The following CACNG4 variants were observed in gnomAD, a reference collection of about 807,000 sequenced individuals.
CACNG4 encodes the protein calcium voltage-gated channel auxiliary subunit gamma 4, also known as voltage-dependent calcium channel gamma-4 subunit.
In CACNG4, 8 loss-of-function variants were observed where a neutral mutation model predicts 22.9. That is an observed-to-expected ratio of 0.35 (90% confidence interval 0.21 to 0.63). The LOEUF is 0.63. CACNG4 is among the 30% of genes least tolerant of loss of function. The probability of loss-of-function intolerance (pLI) is 0.72; values close to 1 mark genes in which losing one functional copy is unlikely to be tolerated. For synonymous variants in CACNG4, 188 were observed against 191.9 expected, an observed-to-expected ratio of 0.98 and a Z score of 0.17; for missense variants, 357 against 455.4, an observed-to-expected ratio of 0.78 and a Z score of 1.97.
chr17:66,964,925 A>G lies in CACNG4; in HGVS notation c.14A>G (p.Asp5Gly). MVRC[D>G]RGLQMLLTTA... Reference sequence around the variant, plus strand: ...GAGGCGCCCACCATGGTGCGATGCGACCGCGGGCTGCAGATGCTGCTGACC... The same window carrying G: ...GAGGCGCCCACCATGGTGCGATGCGGCCGCGGGCTGCAGATGCTGCTGACC... Residue 5 changes from aspartate to glycine, a missense_variant, in exon 1 of 4, where the codon GAC becomes GGC. By Grantham distance (94) the Asp-to-Gly change is moderately conservative (BLOSUM62 -1). This residue lies in a region of CACNG4 where 114 missense variants were observed against 161.6 expected (regional missense o/e 0.71). Coordinates refer to ENST00000262138, the MANE Select transcript of CACNG4 (RefSeq NM_014405.4). 2 of 1,541,998 alleles carry G rather than the reference A, an allele frequency of 1.3e-6. No homozygotes were observed. Among genetic ancestry groups the G allele is most frequent in the Non-Finnish European group, 1.7e-6 (2 of 1,146,272 alleles).
intron 1 of CACNG4, among the ~76,000 whole-genome samples, chr17:66,975,334 G>A (rs1469415465): frequency 6.6e-6 from 1 of 152,142 alleles, no homozygotes; most frequent in Non-Finnish European, 1.5e-5. Context: ...GAGTCCACAT[G>A]GAAGCAGCAG....
At chr17:66,979,830 A>G (rs1233665203) in intron 1 of CACNG4, among the ~76,000 whole-genome samples, 2 of 147,134 alleles carry the variant, frequency 1.4e-5, no homozygotes, top group Non-Finnish European at 3.0e-5. Context: ...GCTCACTGCA[A>G]CCTCTACCTC....
intron 1 of CACNG4, among the ~76,000 whole-genome samples, chr17:66,976,436 T>C (rs1261874365): frequency 6.9e-6 from 1 of 144,760 alleles, no homozygotes; most frequent in East Asian, 2.2e-4. Flanking sequence ...TCCCTCTCTC[T>C]AACTTCCACC....
rs749249579 is a variant in CACNG4 at position 67,027,009 on chromosome 17, C to T, written c.445+2009C>T. On this transcript the variant is annotated intron_variant, in intron 3 of 3. Transcript: ENST00000262138. The surrounding 1 kb of genome is among the most constrained non-coding windows in gnomAD (Gnocchi z 4.3). ...CCGGCTGTGACCCCTCAACACTGCCCCAGAGCGTCCTCCCCACGGCAGGGA... is the reference window on the plus strand; with the variant it reads ...CCGGCTGTGACCCCTCAACACTGCCTCAGAGCGTCCTCCCCACGGCAGGGA... Among the ~76,000 whole-genome samples, 14 of 152,218 alleles carry T rather than the reference C, an allele frequency of 9.2e-5. No homozygotes were observed. Among genetic ancestry groups the T allele is most frequent in the South Asian group, 8.3e-4 (4 of 4,822 alleles).
At chr17:67,018,395 G>C (rs1231728630) in intron 2 of CACNG4, 123 bp downstream of exon 2, 2 of 701,464 alleles carry the variant, frequency 2.9e-6, no homozygotes, top group Admixed American at 2.2e-5. Flanking sequence ...TCCACTCACT[G>C]TCTTACTTAT....
chr17:66,997,286 C>G (rs1473173463), intron 1 of CACNG4, among the ~76,000 whole-genome samples: 1 of 152,038 alleles, frequency 6.6e-6, no homozygotes, highest in Non-Finnish European at 1.5e-5. Flanking sequence ...ATTCCAAGGT[C>G]GGCTGATGGA....
At position 67,024,985 on chromosome 17, in the gene CACNG4, C is replaced by G; in HGVS notation, c.430C>G (p.Leu144Val). 6.3e-7 allele frequency: 1 copy of G among 1,595,820 alleles called. No homozygotes were observed. The highest frequency in any genetic ancestry group is 1.1e-5 in the South Asian group (1 of 88,290). The change falls in exon 3 of 4, where the codon CTC (leucine) becomes GTC (valine). Residue 144 changes from leucine to valine, a missense_variant. Leu to Val is a conservative substitution (Grantham distance 32). Transcript: ENST00000262138. ...CAACATCGTCCTCAGTGCCGGCATC[C>G]TCTTCGTGGCTGCAGGTGAGCCGCC... ...KNNIVLSAGI[L>V]FVAAGLSNII...
intron 1 of CACNG4, among the ~76,000 whole-genome samples, chr17:66,972,110 G>A (rs1382312270): frequency 1.3e-5 from 2 of 152,138 alleles, no homozygotes; most frequent in African/African-American, 2.4e-5. Context: ...CACAGCAGCC[G>A]GCCAGGCGAC....
chr17:66,971,596 G>C (rs779961914), intron 1 of CACNG4, among the ~76,000 whole-genome samples: 8 of 152,298 alleles, frequency 5.3e-5, no homozygotes, highest in African/African-American at 1.9e-4. Context: ...AGCAGGGGGC[G>C]TGTGGGGAGC....
At position 67,030,388 on chromosome 17, in the gene CACNG4, C is replaced by A; in HGVS notation, c.446-78C>A. The A allele has an allele frequency of 7.9e-7, 1 of 1,266,344 alleles. No individual in the cohort carries two copies. The highest frequency in any genetic ancestry group is 1.1e-6 in the Non-Finnish European group (1 of 886,622). 78.4% of individuals were successfully genotyped at this position (1,266,344 alleles called of 1,614,324 possible). The stretch of plus-strand genomic sequence containing the variant: ...GGGGAGTGTCCACCTGTTCCCTACA[C>A]TGCCCGTCCCACTGTGGGTCTAACC... On this transcript the variant is annotated intron_variant, in intron 3 of 3. Coordinates refer to ENST00000262138, the MANE Select transcript of CACNG4 (RefSeq NM_014405.4). This position sits in a 1 kb window ranked among gnomAD's most constrained non-coding sequence, Gnocchi z 6.4.
intron 1 of CACNG4, among the ~76,000 whole-genome samples, chr17:66,997,152 C>A (rs1372674083): frequency 2.6e-5 from 4 of 152,088 alleles, no homozygotes; most frequent in African/African-American, 9.7e-5. Flanking sequence ...ATTGTCCTGG[C>A]AGGTGGTTTT....
Position 66,964,927 on chromosome 17 carries a change from C to T in CACNG4, c.16C>T (p.Arg6Cys). 6.3e-7 allele frequency: 1 copy of T among 1,577,898 alleles called. No homozygotes were observed. Among genetic ancestry groups the T allele is most frequent in the Non-Finnish European group, 8.6e-7 (1 of 1,166,668 alleles). The part of the protein sequence containing the change: MVRCD[R>C]GLQMLLTTAG... ...GGCGCCCACCATGGTGCGATGCGAC[C>T]GCGGGCTGCAGATGCTGCTGACCAC... The change falls in exon 1 of 4, where the codon CGC (arginine) becomes TGC (cysteine). Residue 6 changes from arginine (R) to cysteine (C), a missense_variant. Transcript: ENST00000262138.
chr17:67,031,231 G>T lies in CACNG4; in HGVS notation c.*227G>T, dbSNP rs2035604104. ...CTGACTTTGTCCCCTCCCCGAAAAA[G>T]GGTGTTTTGATGCCTCAGGGTCTCT... On this transcript the variant is annotated 3_prime_UTR_variant, in exon 4 of 4. Transcript: ENST00000262138. This position sits in a 1 kb window ranked among gnomAD's most constrained non-coding sequence, Gnocchi z 4.0. 1.8e-5 allele frequency: 12 copies of T among 649,498 alleles called. No homozygotes were observed. Among genetic ancestry groups the T allele is most frequent in the Non-Finnish European group, 3.3e-5 (12 of 361,212 alleles). The allele number at this position is 649,498 out of a possible 1,614,324, so 40.2% of individuals were successfully genotyped here.
chr17:66,972,491 T>A (rs2035210682), intron 1 of CACNG4, among the ~76,000 whole-genome samples: 1 of 152,218 alleles, frequency 6.6e-6, no homozygotes, highest in Non-Finnish European at 1.5e-5. Flanking sequence ...ACTTTGCATA[T>A]GTCCCTGGAG....
At position 67,030,152 on chromosome 17, in the gene CACNG4, G is replaced by GGTGT. The variant is rs34332552; in HGVS notation, c.446-296_446-293dup. Among the ~76,000 whole-genome samples the GGTGT allele has an allele frequency of 1.4e-4, 12 of 88,606 alleles. No individual in the cohort carries two copies. The highest frequency in any genetic ancestry group is 1.6e-4 in the African/African-American group (6 of 36,674). 58.1% of individuals were successfully genotyped at this position (88,606 alleles called of 152,430 possible). Reference sequence around the variant, plus strand: ...AGTACTGTGCAAAGGAAATAATAGGGGTGTGTGTGTGTGTGTGTGTGAAGA... The same window carrying GGTGT: ...AGTACTGTGCAAAGGAAATAATAGGGGTGTGTGTGTGTGTGTGTGTGTGTGAAGA... On this transcript the variant is annotated intron_variant, in intron 3 of 3. Coordinates refer to ENST00000262138, the MANE Select transcript of CACNG4 (RefSeq NM_014405.4). This position sits in a 1 kb window ranked among gnomAD's most constrained non-coding sequence, Gnocchi z 6.4.
At chr17:66,969,583 C>T (rs1026359873) in intron 1 of CACNG4, among the ~76,000 whole-genome samples, 5 of 152,174 alleles carry the variant, frequency 3.3e-5, no homozygotes, top group African/African-American at 9.7e-5. Context: ...TGTACCCAAC[C>T]TTTCTTCCCA....
intron 1 of CACNG4, among the ~76,000 whole-genome samples, chr17:67,002,884 A>G (rs1008602327): frequency 2.0e-5 from 3 of 152,212 alleles, no homozygotes; most frequent in Non-Finnish European, 4.4e-5. Flanking sequence ...CAGGGAATAT[A>G]GTTTTCAACC....
chr17:66,999,386 A>C (rs1270777238), intron 1 of CACNG4, among the ~76,000 whole-genome samples: 1 of 152,182 alleles, frequency 6.6e-6, no homozygotes, highest in Non-Finnish European at 1.5e-5. Context: ...TATCCATCTC[A>C]GAAGACTGGT....
intron 3 of CACNG4, among the ~76,000 whole-genome samples, 162 bp downstream of exon 3, chr17:67,025,162 G>T (rs1303148547): frequency 1.3e-5 from 2 of 152,236 alleles, no homozygotes; most frequent in African/African-American, 4.8e-5. Context: ...TCAGGACTGG[G>T]GGTGGATGGA....
Sources: gnomAD v4.1 joint callset for allele counts (sites outside exome capture counted in the v4.1 genomes callset) on GRCh38, gnomAD v4.1.1 for gene constraint, gnomAD v4.1.1 regional missense constraint, Gnocchi (gnomAD v3.1) non-coding constraint, MANE v1.5 for transcripts, NCBI Gene and HGNC (gene_info 2026-07-23, HGNC 2026-07-21) for gene names.